Variants in ZMAT4 observed in about 807,000 individuals in gnomAD.
The protein encoded by ZMAT4 is zinc finger matrin-type protein 4.
Under a neutral mutation model 28.7 loss-of-function variants are expected in ZMAT4, and 17 were observed. The observed-to-expected ratio is 0.59, with a 90% CI of 0.41 to 0.89. ZMAT4 has a LOEUF of 0.89. ZMAT4 is among the 40% of genes least tolerant of loss of function. The probability of loss-of-function intolerance (pLI) is 0.00; values close to 1 mark genes in which losing one functional copy is unlikely to be tolerated. For synonymous variants in ZMAT4, 117 were observed against 109.2 expected (o/e 1.07, Z -0.44); for missense variants, 240 against 283.8 (o/e 0.85, Z 1.11).
At chr8:40,689,033 T>C (rs1373457621) in intron 4 of ZMAT4, among the ~76,000 whole-genome samples, 1 of 152,232 alleles carries the variant, frequency 6.6e-6, no homozygotes, top group African/African-American at 2.4e-5. Flanking sequence ...TAACTGTTGA[T>C]AGAGACCGGA....
intron 3 of ZMAT4, among the ~76,000 whole-genome samples, chr8:40,747,911 T>C (rs1405617470): frequency 6.6e-6 from 1 of 152,164 alleles, no homozygotes; most frequent in African/African-American, 2.4e-5. Flanking sequence ...CATCACTCAA[T>C]GTACCAATGA....
intron 2 of ZMAT4, among the ~76,000 whole-genome samples, chr8:40,809,722 T>C (rs974439935): frequency 6.6e-6 from 1 of 152,186 alleles, no homozygotes; most frequent in Non-Finnish European, 1.5e-5. Context: ...TAGATACCCC[T>C]GCTTTAAGAT....
intron 5 of ZMAT4, among the ~76,000 whole-genome samples, chr8:40,624,243 T>C (rs1806295552): frequency 6.6e-6 from 1 of 152,168 alleles, no homozygotes; most frequent in South Asian, 2.1e-4. Flanking sequence ...GGTGGCCCTA[T>C]AAGATGACAA....
At chr8:40,623,455 G>GT in intron 5 of ZMAT4, among the ~76,000 whole-genome samples, 1 of 152,294 alleles carries the variant, frequency 6.6e-6, no homozygotes, top group Middle Eastern at 3.4e-3. Flanking sequence ...CAGAACTATG[G>GT]TAGCTATATT....
intron 5 of ZMAT4, among the ~76,000 whole-genome samples, chr8:40,593,423 T>G (rs1480488451): frequency 6.6e-6 from 1 of 152,204 alleles, no homozygotes; most frequent in Non-Finnish European, 1.5e-5. Flanking sequence ...CCCTTCCCTC[T>G]GCTTTGCAGT....
chr8:40,710,752 A>G (rs781043386), intron 3 of ZMAT4, among the ~76,000 whole-genome samples: 114 of 152,156 alleles, frequency 7.5e-4, no homozygotes, highest in Admixed American at 2.9e-3. Context: ...CTTGAAGCAA[A>G]TGAGACAATT....
At chr8:40,822,010 C>T (rs547585865) in intron 2 of ZMAT4, among the ~76,000 whole-genome samples, 3 of 152,330 alleles carry the variant, frequency 2.0e-5, no homozygotes, top group South Asian at 2.1e-4. Flanking sequence ...TGATGCTTCC[C>T]TCTTTTAAAG....
chr8:40,667,655 A>C (rs961299819), intron 5 of ZMAT4, among the ~76,000 whole-genome samples: 2 of 152,182 alleles, frequency 1.3e-5, no homozygotes. Context: ...GAAACCTTGA[A>C]TAACACCATG....
At chr8:40,877,606 G>A (rs1263597712) in intron 1 of ZMAT4, among the ~76,000 whole-genome samples, 1 of 152,156 alleles carries the variant, frequency 6.6e-6, no homozygotes, top group African/African-American at 2.4e-5. Context: ...CTAAAAAAAT[G>A]AAAGAAACAA....
chr8:40,735,612 G>A (rs1275186013), intron 3 of ZMAT4, among the ~76,000 whole-genome samples: 1 of 152,158 alleles, frequency 6.6e-6, no homozygotes, highest in Non-Finnish European at 1.5e-5. Flanking sequence ...TAAAGCTTGA[G>A]GAAACAGGTT....
At chr8:40,544,713 A>C (rs537984977) in intron 6 of ZMAT4, among the ~76,000 whole-genome samples, 8 of 152,198 alleles carry the variant, frequency 5.3e-5, no homozygotes, top group Non-Finnish European at 1.2e-4. Flanking sequence ...GACAGTGCAA[A>C]ATGAAAAAAA....
intron 5 of ZMAT4, chr8:40,674,333 A>G (rs972928122): frequency 1.6e-5 from 3 of 184,376 alleles, no homozygotes; most frequent in African/African-American, 7.2e-5. Flanking sequence ...ACCTCAGGCA[A>G]TCTGCCCACC....
intron 1 of ZMAT4, among the ~76,000 whole-genome samples, chr8:40,829,453 T>G (rs1428616698): frequency 6.6e-6 from 1 of 152,148 alleles, no homozygotes; most frequent in Non-Finnish European, 1.5e-5. Flanking sequence ...TCTGAGTTCC[T>G]ACAGATCCAT....
At chr8:40,873,006 A>G (rs1195410698) in intron 1 of ZMAT4, among the ~76,000 whole-genome samples, 1 of 152,154 alleles carries the variant, frequency 6.6e-6, no homozygotes, top group African/African-American at 2.4e-5. Context: ...AGGGCTTGTC[A>G]GTACCAATAA....
At chr8:40,680,139 C>T (rs2150478234) in intron 4 of ZMAT4, among the ~76,000 whole-genome samples, 1 of 152,288 alleles carries the variant, frequency 6.6e-6, no homozygotes, top group South Asian at 2.1e-4. Flanking sequence ...CATTATTCCC[C>T]CAAACTTATA....
intron 1 of ZMAT4, among the ~76,000 whole-genome samples, chr8:40,876,957 T>C (rs748667745): frequency 6.6e-6 from 1 of 152,238 alleles, no homozygotes; most frequent in Non-Finnish European, 1.5e-5. Context: ...GTATCCTCTC[T>C]GAATTCACAT....
chr8:40,601,689 AAAGAAAGAAAGAAAGAAAAG>A (rs1805385555), intron 5 of ZMAT4, among the ~76,000 whole-genome samples: 3 of 30,604 alleles, frequency 9.8e-5, no homozygotes, highest in Admixed American at 2.8e-4. Flanking sequence ...AGAAAGAAAG[AAAGAAAGAAAGAAAGAAAAG>A]AAAGAAAGAA....
chr8:40,856,703 G>A (rs1307003299), intron 1 of ZMAT4, among the ~76,000 whole-genome samples: 1 of 152,164 alleles, frequency 6.6e-6, no homozygotes, highest in Non-Finnish European at 1.5e-5. Context: ...GGAGATGGGT[G>A]GGCATCCCCT....
At position 40,557,284 on chromosome 8, in the gene ZMAT4, C is replaced by G. The variant is rs888684152; in HGVS notation, c.674+23881G>C. On this transcript the variant is annotated intron_variant, in intron 6 of 6. Coordinates refer to ENST00000297737, the MANE Select transcript of ZMAT4 (RefSeq NM_024645.3). ...TATGGTATATATACACAATAGAATA[C>G]TCTTCAGCCATAAAAAGAATATAAT... Among the ~76,000 whole-genome samples, 3 of 152,144 alleles carry G rather than the reference C, an allele frequency of 2.0e-5. No individual in the cohort carries two copies. In the South Asian group the frequency reaches 6.2e-4, roughly 31 times the overall value.
Sources: gnomAD v4.1 joint callset for allele counts (sites outside exome capture counted in the v4.1 genomes callset) on GRCh38, gnomAD v4.1.1 for gene constraint, MANE v1.5 for transcripts, NCBI Gene and HGNC (gene_info 2026-07-23, HGNC 2026-07-21) for gene names.